Variants in SLC36A1 observed in about 807,000 individuals in gnomAD.
SLC36A1 encodes proton-coupled amino acid transporter 1.
A neutral mutation model predicts 47.5 loss-of-function variants in SLC36A1; 30 were observed. The ratio of observed to expected loss-of-function variants is 0.63; its 90% confidence interval spans 0.47 to 0.86. The LOEUF is 0.86. Among genes scored for constraint, SLC36A1 ranks in the 40% least tolerant of loss-of-function variants. SLC36A1 has a pLI of 0.00. For missense variants in SLC36A1, 517 were observed against 606.0 expected, an observed-to-expected ratio of 0.85 and a Z score of 1.54; for synonymous variants, 255 against 249.7, an observed-to-expected ratio of 1.02 and a Z score of -0.20.
At chr5:151,517,540 C>T in the SLC36A1 span, 1 of 1,552,430 alleles carries the variant, frequency 6.4e-7, no homozygotes, top group Non-Finnish European at 8.8e-7. Flanking sequence ...AATGGGCTTC[C>T]TGACATTCCT....
At chr5:151,542,425 T>C in the SLC36A1 span, 1 of 1,614,186 alleles carries the variant, frequency 6.2e-7, no homozygotes. Context: ...GGGAGCATTG[T>C]CATTCTCATC....
At chr5:151,380,461 A>G in the SLC36A1 span, 133 of 443,004 alleles carry the variant, frequency 3.0e-4, 1 homozygote, top group Non-Finnish European at 4.6e-4. Flanking sequence ...ACCTAGCTAG[A>G]TGACTTGGAA....
intron 10 of SLC36A1, among the ~76,000 whole-genome samples, chr5:151,486,516 C>G (rs1242150250): frequency 6.6e-6 from 1 of 152,216 alleles, no homozygotes; most frequent in Non-Finnish European, 1.5e-5. Context: ...AATCTGGTCT[C>G]TAAATGCAAT....
At chr5:151,478,955 T>C (rs1362521253) in intron 9 of SLC36A1, among the ~76,000 whole-genome samples, 4 of 152,238 alleles carry the variant, frequency 2.6e-5, no homozygotes, top group Admixed American at 2.6e-4. Flanking sequence ...GATAGAGTGA[T>C]ATATCATGGG....
At chr5:151,525,582 C>G in the SLC36A1 span, among the ~76,000 whole-genome samples, 1 of 152,180 alleles carries the variant, frequency 6.6e-6, no homozygotes, top group Non-Finnish European at 1.5e-5. Flanking sequence ...ATCTGTAAAG[C>G]GGGGTGGTAA....
At chr5:151,535,485 G>A in the SLC36A1 span, among the ~76,000 whole-genome samples, 6 of 152,136 alleles carry the variant, frequency 3.9e-5, no homozygotes, top group African/African-American at 1.4e-4. Context: ...GCTGAACACA[G>A]GGCGGTTCCT....
upstream of SLC36A1, among the ~76,000 whole-genome samples, chr5:151,432,524 G>C (rs1480861690): frequency 6.6e-6 from 1 of 152,130 alleles, no homozygotes; most frequent in East Asian, 1.9e-4. Flanking sequence ...CTTGCTTTCA[G>C]ATCCCCAAAA....
At chr5:151,553,181 G>A in the SLC36A1 span, 1 of 1,614,092 alleles carries the variant, frequency 6.2e-7, no homozygotes, top group South Asian at 1.1e-5. Flanking sequence ...CCTCACCTGA[G>A]ATGTTGAACC....
At chr5:151,517,701 C>T in the SLC36A1 span, 8 of 1,614,140 alleles carry the variant, frequency 5.0e-6, no homozygotes. Context: ...AATGGATGTG[C>T]CAGTTCCGAG....
At chr5:151,507,529 C>T in the SLC36A1 span, 1 of 1,614,100 alleles carries the variant, frequency 6.2e-7, no homozygotes, top group Non-Finnish European at 8.5e-7. Flanking sequence ...ATCAGTAACT[C>T]CTGCTGCCCC....
the SLC36A1 span, among the ~76,000 whole-genome samples, chr5:151,352,263 T>C: frequency 6.6e-6 from 1 of 152,166 alleles, no homozygotes; most frequent in Non-Finnish European, 1.5e-5. Context: ...GTAATTATCT[T>C]GATTATGTGT....
chr5:151,507,473 A>T, the SLC36A1 span: 1 of 1,613,934 alleles, frequency 6.2e-7, no homozygotes, highest in African/African-American at 1.3e-5. Context: ...AGTAGAAGAG[A>T]AGCCCGACAG....
the SLC36A1 span, among the ~76,000 whole-genome samples, chr5:151,374,912 T>C: frequency 8.6e-4 from 129 of 150,696 alleles, 1 homozygote; most frequent in South Asian, 2.7e-3. Context: ...TGTTGGGGTT[T>C]TTTTTTTTTT....
chr5:151,481,397 C>A (rs924309707), intron 10 of SLC36A1, among the ~76,000 whole-genome samples: 1 of 152,206 alleles, frequency 6.6e-6, no homozygotes, highest in Non-Finnish European at 1.5e-5. Context: ...CCTTTCATGG[C>A]AGCAGCAACT....
At chr5:151,406,361 T>G in the SLC36A1 span, 1 of 152,228 alleles carries the variant, frequency 6.6e-6, no homozygotes, top group Non-Finnish European at 1.5e-5. Context: ...GTATTCAAAT[T>G]CACGCCTGTC....
the SLC36A1 span, among the ~76,000 whole-genome samples, chr5:151,519,822 A>G: frequency 0.026 from 3,966 of 152,230 alleles, 72 homozygotes; most frequent in Non-Finnish European, 0.039. Flanking sequence ...TATTTCTTCA[A>G]TGCAAGCCCT....
chr5:151,382,128 C>T, the SLC36A1 span: 1 of 887,034 alleles, frequency 1.1e-6, no homozygotes, highest in Non-Finnish European at 1.9e-6. Context: ...AGAGCACGAC[C>T]CTTTCAAGCA....
At chr5:151,505,949 G>A in the SLC36A1 span, 4 of 1,578,256 alleles carry the variant, frequency 2.5e-6, no homozygotes, top group Non-Finnish European at 3.4e-6. Flanking sequence ...AGCCCCCATA[G>A]AGGCCATTAG....
chr5:151,388,520 A>AAAAAAAAAAAAAC, the SLC36A1 span, among the ~76,000 whole-genome samples: 1 of 151,122 alleles, frequency 6.6e-6, no homozygotes, highest in African/African-American at 2.4e-5. Context: ...AAAAAAAAAA[A>AAAAAAAAAAAAAC]AAAAGAACTT....
Sources: allele counts gnomAD v4.1 joint callset (sites outside exome capture counted in the v4.1 genomes callset), GRCh38; gene constraint gnomAD v4.1.1; transcripts MANE v1.5; gene names NCBI Gene and HGNC (gene_info 2026-07-23, HGNC 2026-07-21).